The following PPP1R21 variants were observed in gnomAD, a reference collection of about 807,000 sequenced individuals.
The protein encoded by PPP1R21 is protein phosphatase 1 regulatory subunit 21.
Under a neutral mutation model 112.8 loss-of-function variants are expected in PPP1R21, and 85 were observed. The observed-to-expected ratio is 0.75, with a 90% CI of 0.63 to 0.90. The LOEUF (loss-of-function observed/expected upper bound fraction) is 0.90. PPP1R21 is among the 40% of genes least tolerant of loss of function. The pLI is 0.00. For synonymous variants in PPP1R21, 381 were observed against 322.3 expected (o/e 1.18, Z -1.95); for missense variants, 1,199 against 901.5 (o/e 1.33, Z -4.23).
intron 1 of PPP1R21, among the ~76,000 whole-genome samples, chr2:48,450,801 A>C (rs1484613095): frequency 6.6e-6 from 1 of 151,054 alleles, no homozygotes; most frequent in African/African-American, 2.4e-5. Context: ...TCATTGGGCA[A>C]CTCAGCCTGT....
At chr2:48,486,548 A>C in intron 13 of PPP1R21, 83 bp from the exon 14 acceptor site, 7 of 1,030,486 alleles carry the variant, frequency 6.8e-6, no homozygotes, top group Non-Finnish European at 8.8e-6. Flanking sequence ...TTAGAAGAAT[A>C]GATAGGAGAA....
intron 9 of PPP1R21, among the ~76,000 whole-genome samples, chr2:48,469,806 T>C (rs1668424297): frequency 1.3e-5 from 2 of 152,142 alleles, no homozygotes; most frequent in African/African-American, 4.8e-5. Flanking sequence ...ATTTTTGTAA[T>C]AAGTCTGTGT....
At chr2:48,499,135 G>A (rs187603346) in intron 17 of PPP1R21, among the ~76,000 whole-genome samples, 8 of 148,546 alleles carry the variant, frequency 5.4e-5, no homozygotes, top group Non-Finnish European at 1.0e-4. Flanking sequence ...TTGGGGGTGG[G>A]GGGGGACACA....
chr2:48,506,944 CAAAAAAAA>C (rs11314362), intron 18 of PPP1R21, among the ~76,000 whole-genome samples: 2 of 96,472 alleles, frequency 2.1e-5, no homozygotes, highest in Admixed American at 2.1e-4. Context: ...GACTCTGCCT[CAAAAAAAA>C]AAAAAAAAAA....
intron 14 of PPP1R21, among the ~76,000 whole-genome samples, chr2:48,489,359 C>T (rs1199201324): frequency 6.6e-6 from 1 of 151,030 alleles, no homozygotes; most frequent in South Asian, 2.1e-4. Context: ...AAATCAGCCA[C>T]ACATGATGGT....
intron 12 of PPP1R21, among the ~76,000 whole-genome samples, chr2:48,475,812 G>A (rs541781196): frequency 2.1e-4 from 32 of 151,538 alleles, no homozygotes; most frequent in Non-Finnish European, 4.1e-4. Context: ...GTGCCATTGC[G>A]CTCCAGCCTG....
chr2:48,466,031 C>T (rs987799688), intron 9 of PPP1R21, among the ~76,000 whole-genome samples: 3 of 152,102 alleles, frequency 2.0e-5, no homozygotes, highest in Non-Finnish European at 4.4e-5. Flanking sequence ...AGGGAAACTC[C>T]CATTTTTAAA....
chr2:48,490,218 C>CAAAAAAAAA (rs70943343), intron 14 of PPP1R21, among the ~76,000 whole-genome samples: 19 of 93,912 alleles, frequency 2.0e-4, no homozygotes, highest in East Asian at 9.8e-4. Flanking sequence ...GACGCCGACT[C>CAAAAAAAAA]AAAAAAAAAA....
chr2:48,487,946 A>C lies in PPP1R21; in HGVS notation c.1446+1188A>C, dbSNP rs1030035844. 3.3e-5 allele frequency among the ~76,000 whole-genome samples: 5 copies of C among 152,148 alleles called. No homozygotes were observed. In the South Asian group the frequency reaches 1.0e-3, roughly 31 times the overall value. On this transcript the variant is annotated intron_variant, in intron 14 of 21. Coordinates refer to ENST00000294952, the MANE Select transcript of PPP1R21 (RefSeq NM_001135629.3). ...AGAACTATCTTAGCCCATTTATTGC[A>C]GCAGACTCAGCATGACTTCCAAAGG...
Position 48,446,103 on chromosome 2 carries a change from C to CA in PPP1R21, c.58-4898dup, listed in dbSNP as rs1171548682. Among the ~76,000 whole-genome samples the CA allele has an allele frequency of 2.1e-4, 31 of 146,794 alleles. 1 individual carries two copies. The highest frequency in any genetic ancestry group is 1.3e-3 in the South Asian group (6 of 4,488). On this transcript the variant is annotated intron_variant, in intron 1 of 21. Transcript: ENST00000294952. ...AGGGTTGTAAAATATGTATAAATGTCAAAAAAAGTCCACTGCATGAAGACA... is the reference window on the plus strand; with the variant it reads ...AGGGTTGTAAAATATGTATAAATGTCAAAAAAAAGTCCACTGCATGAAGACA...
At chr2:48,495,350 C>T (rs1205055301) in intron 15 of PPP1R21, among the ~76,000 whole-genome samples, 1 of 151,960 alleles carries the variant, frequency 6.6e-6, no homozygotes, top group Non-Finnish European at 1.5e-5. Context: ...ACTACAGGCG[C>T]GTGCCACCAT....
At chr2:48,496,643 T>A (rs183671179) in intron 16 of PPP1R21, among the ~76,000 whole-genome samples, 4 of 152,172 alleles carry the variant, frequency 2.6e-5, no homozygotes, top group African/African-American at 4.8e-5. Context: ...AGTTTTTGTA[T>A]TTTTAGTATA....
intron 17 of PPP1R21, chr2:48,501,820 A>C (rs1309829323): frequency 6.6e-6 from 1 of 152,144 alleles, no homozygotes; most frequent in Admixed American, 6.6e-5. Flanking sequence ...AAAAAAAAAA[A>C]ACAAATAAAC....
chr2:48,473,116 ATATT>A (rs1383635978), intron 11 of PPP1R21, among the ~76,000 whole-genome samples: 1 of 151,362 alleles, frequency 6.6e-6, no homozygotes, highest in South Asian at 2.1e-4. Flanking sequence ...AAATTAATAT[ATATT>A]AAGAGACATC....
At chr2:48,480,271 C>A (rs554513395) in intron 13 of PPP1R21, among the ~76,000 whole-genome samples, 2 of 152,314 alleles carry the variant, frequency 1.3e-5, no homozygotes, top group South Asian at 2.1e-4. Flanking sequence ...AAATACGTTA[C>A]ACTGACTTTA....
At position 48,482,645 on chromosome 2, in the gene PPP1R21, G is replaced by GTT. The variant is rs200292830; in HGVS notation, c.1318+2646_1318+2647dup. On this transcript the variant is annotated intron_variant, in intron 13 of 21. Transcript: ENST00000294952. Reference sequence around the variant, plus strand: ...GATTAGCATTTAAAATAAAGACACTGTTTTTTTTTTTTTTTTTTAGGATGT... The same window carrying GTT: ...GATTAGCATTTAAAATAAAGACACTGTTTTTTTTTTTTTTTTTTTTAGGATGT... 3.2e-3 allele frequency among the ~76,000 whole-genome samples: 399 copies of GTT among 126,540 alleles called. 1 individual carries two copies. The highest frequency in any genetic ancestry group is 0.013 in the Middle Eastern group (3 of 240). 83.0% of individuals were successfully genotyped at this position (126,540 alleles called of 152,430 possible). A position where few individuals can be genotyped will look rare whatever the true frequency, so the allele number is the denominator to read the frequency against.
chr2:48,509,872 A>C lies in PPP1R21; in HGVS notation c.2086-143A>C, dbSNP rs1211818765. The C allele has an allele frequency of 7.5e-6, 4 of 531,558 alleles. No homozygotes were observed. In the African/African-American group the frequency reaches 7.5e-5, roughly 10 times the overall value. 32.9% of individuals were successfully genotyped at this position (531,558 alleles called of 1,614,324 possible). On this transcript the variant is annotated intron_variant, in intron 19 of 21. Transcript: ENST00000294952. Reference sequence around the variant, plus strand: ...TTAGGTGTACTCTGATGTGTGACACAATGCCTATAGGTATTCAACAGATTA... The same window carrying C: ...TTAGGTGTACTCTGATGTGTGACACCATGCCTATAGGTATTCAACAGATTA...
chr2:48,493,099 G>T (rs754011024), intron 15 of PPP1R21, among the ~76,000 whole-genome samples: 1 of 137,036 alleles, frequency 7.3e-6, no homozygotes, highest in African/African-American at 2.8e-5. Context: ...TCCGCCTCCC[G>T]GGTTCACACC....
intron 3 of PPP1R21, among the ~76,000 whole-genome samples, chr2:48,455,172 G>C (rs974190624): frequency 9.2e-6 from 1 of 108,586 alleles, no homozygotes; most frequent in Non-Finnish European, 1.8e-5. Context: ...TTTTGAGACA[G>C]TTTCACTCTT....
Sources: gnomAD v4.1 joint callset for allele counts (sites outside exome capture counted in the v4.1 genomes callset) on GRCh38, gnomAD v4.1.1 for gene constraint, MANE v1.5 for transcripts, NCBI Gene and HGNC (gene_info 2026-07-23, HGNC 2026-07-21) for gene names.